TTLL5: variants seen among roughly 807,000 people sequenced by gnomAD.
TTLL5 encodes the protein tubulin polyglutamylase TTLL5.
In TTLL5, 132 loss-of-function variants were observed where a neutral mutation model predicts 168.4. The ratio of observed to expected loss-of-function variants is 0.78; its 90% confidence interval spans 0.68 to 0.91. TTLL5 has a LOEUF of 0.91. TTLL5 is among the 40% of genes least tolerant of loss of function. The pLI is 0.00. For missense variants in TTLL5, 1,545 were observed against 1,581.5 expected (o/e 0.98, Z 0.39); for synonymous variants, 546 against 558.6 (o/e 0.98, Z 0.32).
intron 29 of TTLL5, among the ~76,000 whole-genome samples, chr14:75,874,076 CTTTATTTATTTA>C (rs143951017): frequency 7.3e-5 from 11 of 149,972 alleles, no homozygotes; most frequent in Middle Eastern, 3.4e-3. Flanking sequence ...AATGGTTATT[CTTTATTTATTTA>C]TTTATTTATT....
intron 28 of TTLL5, among the ~76,000 whole-genome samples, chr14:75,841,740 A>C (rs1896265917): frequency 6.6e-6 from 1 of 151,832 alleles, no homozygotes; most frequent in Non-Finnish European, 1.5e-5. Context: ...TCCATACTTA[A>C]AAAAAATAGT....
chr14:75,727,612 A>G (rs941280065), intron 12 of TTLL5, among the ~76,000 whole-genome samples: 1 of 152,200 alleles, frequency 6.6e-6, no homozygotes, highest in Non-Finnish European at 1.5e-5. Context: ...AGACAACTGC[A>G]TATATTTGTC....
chr14:75,761,805 T>G (rs937830136), intron 18 of TTLL5, among the ~76,000 whole-genome samples: 1 of 152,196 alleles, frequency 6.6e-6, no homozygotes, highest in African/African-American at 2.4e-5. Context: ...ACATTTAATA[T>G]TTGGATATGT....
chr14:75,950,403 A>C (rs2034924831), intron 31 of TTLL5, among the ~76,000 whole-genome samples: 1 of 152,210 alleles, frequency 6.6e-6, no homozygotes, highest in African/African-American at 2.4e-5. Context: ...TAAAGGTAAA[A>C]ACTGATAAAT....
intron 31 of TTLL5, among the ~76,000 whole-genome samples, chr14:75,935,507 A>G (rs1437530133): frequency 6.6e-6 from 1 of 152,238 alleles, no homozygotes; most frequent in Non-Finnish European, 1.5e-5. Context: ...TCAGTTTTCC[A>G]TACAACAAGT....
chr14:75,666,510 G>A (rs1013405450), intron 2 of TTLL5, among the ~76,000 whole-genome samples: 30 of 152,238 alleles, frequency 2.0e-4, no homozygotes, highest in Non-Finnish European at 4.0e-4. Context: ...AATTGCTATT[G>A]TAAAAGGCTG....
chr14:75,713,439 T>A (rs1192670168), intron 9 of TTLL5, among the ~76,000 whole-genome samples: 1 of 152,210 alleles, frequency 6.6e-6, no homozygotes, highest in Non-Finnish European at 1.5e-5. Context: ...CTCTATGATG[T>A]TCACACAACG....
chr14:75,824,298 G>A (rs1472294267), intron 28 of TTLL5, among the ~76,000 whole-genome samples: 1 of 152,178 alleles, frequency 6.6e-6, no homozygotes, highest in Non-Finnish European at 1.5e-5. Flanking sequence ...AGAGGCTACT[G>A]TCTGGCAGGG....
At chr14:75,797,545 T>C (rs1017963985) in intron 27 of TTLL5, among the ~76,000 whole-genome samples, 2 of 152,152 alleles carry the variant, frequency 1.3e-5, no homozygotes, top group Non-Finnish European at 2.9e-5. Flanking sequence ...ATGTTGGTTG[T>C]GGGTTTGTCA....
chr14:75,725,360 T>C (rs1888127317), intron 12 of TTLL5, among the ~76,000 whole-genome samples: 1 of 152,236 alleles, frequency 6.6e-6, no homozygotes, highest in African/African-American at 2.4e-5. Flanking sequence ...GTTTATCATA[T>C]GCTCCTGTTT....
At chr14:75,887,173 G>T (rs1412778685) in intron 30 of TTLL5, 1 of 1,011,410 alleles carries the variant, frequency 9.9e-7, no homozygotes, top group African/African-American at 1.7e-5. Context: ...AAGCCATCAG[G>T]ACTGGGTAGC....
chr14:75,718,924 C>G (rs1012635192), intron 10 of TTLL5, among the ~76,000 whole-genome samples: 2 of 152,146 alleles, frequency 1.3e-5, no homozygotes, highest in Admixed American at 1.3e-4. Flanking sequence ...GTTGCTGAAG[C>G]TATATAGGTT....
chr14:75,683,581 T>A lies in TTLL5; in HGVS notation c.296T>A (p.Met99Lys). The A allele has an allele frequency of 6.2e-7, 1 of 1,614,032 alleles. No individual in the cohort carries two copies. Among genetic ancestry groups the A allele is most frequent in the Non-Finnish European group, 8.5e-7 (1 of 1,179,924 alleles). ...VHPSSTDYNL[M>K]WTGSHLKPFL... ...CCAAGCAGCACTGACTATAACCTAA[T>A]GTGGACAGGATCCCACCTGAAGCCC... The change falls in exon 5 of 32, where the codon ATG becomes AAG. Residue 99 changes from methionine to lysine, a missense_variant. Transcript: ENST00000298832.
intron 25 of TTLL5, 152 bp from the exon 26 acceptor site, chr14:75,782,995 T>G (rs948898463): frequency 1.1e-6 from 1 of 917,686 alleles, no homozygotes; most frequent in African/African-American, 1.7e-5. Flanking sequence ...TCATTAAGTT[T>G]ATGATGAACA....
intron 5 of TTLL5, 120 bp downstream of exon 5, chr14:75,683,776 CTTTT>C: frequency 9.0e-5 from 44 of 486,862 alleles, no homozygotes; most frequent in East Asian, 3.4e-4. Context: ...AGAAGAAGGA[CTTTT>C]TTTTTTTTTT....
At chr14:75,763,249 C>T (rs1890763690) in intron 18 of TTLL5, among the ~76,000 whole-genome samples, 1 of 17,594 alleles carries the variant, frequency 5.7e-5, no homozygotes, top group South Asian at 1.6e-3. Context: ...TTCTATAGCT[C>T]TCTCTCTGTG....
At chr14:75,919,296 G>A (rs2033739652) in intron 31 of TTLL5, among the ~76,000 whole-genome samples, 1 of 151,644 alleles carries the variant, frequency 6.6e-6, no homozygotes, top group African/African-American at 2.4e-5. Flanking sequence ...AATAGGACAG[G>A]GAGGGGCCTG....
At chr14:75,819,556 C>T (rs1268085841) in intron 27 of TTLL5, among the ~76,000 whole-genome samples, 4 of 152,120 alleles carry the variant, frequency 2.6e-5, no homozygotes, top group Non-Finnish European at 4.4e-5. Flanking sequence ...TATTTTTCTC[C>T]TAACCGTCTT....
chr14:75,864,519 T>C (rs1237059856), intron 29 of TTLL5, among the ~76,000 whole-genome samples: 1 of 152,174 alleles, frequency 6.6e-6, no homozygotes, highest in Non-Finnish European at 1.5e-5. Context: ...CGCTACTCAC[T>C]GTCTATAAAA....
Sources: gnomAD v4.1 joint callset for allele counts (sites outside exome capture counted in the v4.1 genomes callset) on GRCh38, gnomAD v4.1.1 for gene constraint, MANE v1.5 for transcripts, NCBI Gene and HGNC (gene_info 2026-07-23, HGNC 2026-07-21) for gene names.